The following URI1 variants were observed in gnomAD, a reference collection of about 807,000 sequenced individuals.
URI1 encodes the protein URI1 prefoldin like chaperone.
URI1 carries 39 observed loss-of-function variants against 60.2 expected under a neutral mutation model. That is an observed-to-expected ratio of 0.65 (90% CI 0.50 to 0.85). URI1 has a LOEUF of 0.85. URI1 is among the 40% of genes least tolerant of loss of function. The pLI, the probability that URI1 is intolerant of heterozygous loss-of-function variation, is 0.00. For synonymous variants in URI1, 251 were observed against 236.8 expected, an observed-to-expected ratio of 1.06 and a Z score of -0.55; for missense variants, 691 against 665.9, an observed-to-expected ratio of 1.04 and a Z score of -0.42.
chr19:29,935,649 C>A (rs2054962542), intron 1 of URI1, among the ~76,000 whole-genome samples: 1 of 147,448 alleles, frequency 6.8e-6, no homozygotes, highest in African/African-American at 2.5e-5. Context: ...CTTAATTTCT[C>A]CTTTATTCCT....
At chr19:30,011,394 G>A (rs2056017403) in intron 9 of URI1, among the ~76,000 whole-genome samples, 158 bp downstream of exon 9, 1 of 151,936 alleles carries the variant, frequency 6.6e-6, no homozygotes, top group Middle Eastern at 3.5e-3. Flanking sequence ...CTGACCGGCT[G>A]TAGCTTCCCA....
chr19:29,974,495 C>T (rs2055496893), intron 2 of URI1, among the ~76,000 whole-genome samples: 1 of 152,154 alleles, frequency 6.6e-6, no homozygotes, highest in Non-Finnish European at 1.5e-5. Flanking sequence ...TCCTCATGTA[C>T]TCATCAGTCG....
In URI1 at chr19:29,988,684, C is replaced by T. The variant is rs541700515; in HGVS notation, c.367+2267C>T. On this transcript the variant is annotated intron_variant, in intron 4 of 10. Transcript: ENST00000392271. ...CACGTACAGCAGTTTTTCCATTCAC[C>T]TTTTGAGGGACATTTGGGTGCTTCC... 1.4e-3 allele frequency among the ~76,000 whole-genome samples: 207 copies of T among 152,278 alleles called. 1 individual carries two copies. Among genetic ancestry groups the T allele is most frequent in the African/African-American group, 4.4e-3 (183 of 41,554 alleles).
intron 2 of URI1, among the ~76,000 whole-genome samples, chr19:29,981,522 A>G (rs2055597626): frequency 1.3e-5 from 2 of 152,052 alleles, no homozygotes; most frequent in African/African-American, 4.8e-5. Flanking sequence ...GGTACTCTCA[A>G]AAGGCATATT....
intron 6 of URI1, among the ~76,000 whole-genome samples, chr19:30,007,004 T>A (rs2055951922): frequency 6.6e-6 from 1 of 152,106 alleles, no homozygotes; most frequent in Non-Finnish European, 1.5e-5. Flanking sequence ...GAGTTTAAAG[T>A]ATCCTGTCAC....
At chr19:29,951,997 CA>C (rs748885438) in intron 1 of URI1, among the ~76,000 whole-genome samples, 66 of 152,164 alleles carry the variant, frequency 4.3e-4, no homozygotes, top group Non-Finnish European at 7.9e-4. Context: ...AAGATATGGA[CA>C]CAAGTAGTGC....
At position 29,976,308 on chromosome 19, in the gene URI1, T is replaced by C. The variant is rs923285519; in HGVS notation, c.152+5081T>C. Among the ~76,000 whole-genome samples the C allele has an allele frequency of 2.6e-5, 4 of 152,212 alleles. No homozygotes were observed. The East Asian group carries it at 7.7e-4, about 29-fold the overall frequency. The stretch of plus-strand genomic sequence containing the variant: ...TAAGCTGGGCTCACCTGTGTGGTTC[T>C]TCTGCTAGTCTTGTGTGGGCTCACT... On this transcript the variant is annotated intron_variant, in intron 2 of 10. Transcript: ENST00000392271.
At chr19:29,995,627 A>C (rs769515186) in intron 4 of URI1, among the ~76,000 whole-genome samples, 6 of 148,832 alleles carry the variant, frequency 4.0e-5, no homozygotes, top group Non-Finnish European at 8.9e-5. Flanking sequence ...AAAAATTTTT[A>C]ATTTTCACTG....
At chr19:29,939,278 A>AT (rs771247218), upstream of URI1, among the ~76,000 whole-genome samples, 1,018 of 129,918 alleles carry the variant, frequency 7.8e-3, 9 homozygotes, top group African/African-American at 0.024. Context: ...CGCCTTGCCA[A>AT]TTTTTTTTTT....
chr19:30,011,711 C>G (rs935215285), intron 9 of URI1, among the ~76,000 whole-genome samples: 3 of 150,106 alleles, frequency 2.0e-5, no homozygotes, highest in Non-Finnish European at 3.0e-5. Context: ...ATTTATAAAT[C>G]AGTGAAAATT....
intron 4 of URI1, among the ~76,000 whole-genome samples, chr19:30,000,401 A>G (rs1190674680): frequency 2.6e-5 from 4 of 151,774 alleles, no homozygotes; most frequent in African/African-American, 9.7e-5. Flanking sequence ...CCCTTTTTTC[A>G]GGTTCTATTT....
At chr19:29,970,164 C>T (rs1194593336) in intron 1 of URI1, among the ~76,000 whole-genome samples, 17 of 99,266 alleles carry the variant, frequency 1.7e-4, no homozygotes, top group East Asian at 1.7e-3. Context: ...TTTGCTGGGA[C>T]GGGATGGTGA....
intron 1 of URI1, among the ~76,000 whole-genome samples, chr19:29,942,937 A>G (rs2055050885): frequency 6.6e-6 from 1 of 152,244 alleles, no homozygotes; most frequent in Non-Finnish European, 1.5e-5. Context: ...CGGGGGCAGC[A>G]CGCTGTCAAC....
intron 2 of URI1, among the ~76,000 whole-genome samples, chr19:29,977,789 T>C (rs1314452335): frequency 6.6e-6 from 1 of 152,050 alleles, no homozygotes; most frequent in African/African-American, 2.4e-5. Context: ...TCGTGTGTAA[T>C]GTTTCAAAGC....
chr19:29,967,435 T>G (rs890336168), intron 1 of URI1, among the ~76,000 whole-genome samples: 6 of 152,222 alleles, frequency 3.9e-5, no homozygotes, highest in African/African-American at 1.4e-4. Flanking sequence ...TACACAGATA[T>G]ACTAGTAAAT....
rs143400376 is a variant in URI1, at chr19:29,958,606, G to A, written c.118-12587G>A. ...TGATAATATTTTATTAAGGTATTTTGTTCTGTTACATGAGGCAAAATTCTG... is the reference window on the plus strand; with the variant it reads ...TGATAATATTTTATTAAGGTATTTTATTCTGTTACATGAGGCAAAATTCTG... On this transcript the variant is annotated intron_variant, in intron 1 of 10. Coordinates refer to ENST00000392271, the MANE Select transcript of URI1 (RefSeq NM_003796.3). 2.0e-5 allele frequency among the ~76,000 whole-genome samples: 3 copies of A among 151,964 alleles called. No individual in the cohort carries two copies. The East Asian group carries it at 5.8e-4, about 29-fold the overall frequency.
chr19:30,005,826 C>T, intron 6 of URI1, 118 bp downstream of exon 6: 1 of 882,448 alleles, frequency 1.1e-6, no homozygotes, highest in Non-Finnish European at 1.7e-6. Context: ...TCATAGGATG[C>T]CAACATTTTT....
In URI1 at chr19:30,015,287, C is replaced by T. The variant is rs1285195629; in HGVS notation, c.*218C>T. On this transcript the variant is annotated 3_prime_UTR_variant, in exon 11 of 11. Transcript: ENST00000392271. Reference sequence around the variant, plus strand: ...GTTTTGTGAATTCTCTGAATACTGTCAACACTCTTATCTAAGTTTGCCTTT... The same window carrying T: ...GTTTTGTGAATTCTCTGAATACTGTTAACACTCTTATCTAAGTTTGCCTTT... 9.2e-6 allele frequency: 13 copies of T among 1,417,858 alleles called. No homozygotes were observed. Among genetic ancestry groups the T allele is most frequent in the Admixed American group, 8.9e-5 (3 of 33,684 alleles). 87.8% of individuals were successfully genotyped at this position (1,417,858 alleles called of 1,614,324 possible).
intron 2 of URI1, among the ~76,000 whole-genome samples, chr19:29,978,199 G>C (rs1448002860): frequency 6.6e-6 from 1 of 152,118 alleles, no homozygotes; most frequent in African/African-American, 2.4e-5. Flanking sequence ...ACGCACTTCT[G>C]AAAATGAAAG....
Sources: gnomAD v4.1 joint callset for allele counts (sites outside exome capture counted in the v4.1 genomes callset) on GRCh38, gnomAD v4.1.1 for gene constraint, MANE v1.5 for transcripts, NCBI Gene and HGNC (gene_info 2026-07-23, HGNC 2026-07-21) for gene names.